Variants in SYNDIG1 observed in about 807,000 individuals in gnomAD.
SYNDIG1 encodes the protein synapse differentiation inducing 1.
SYNDIG1 carries 9 observed loss-of-function variants against 19.4 expected under a neutral mutation model. The ratio of observed to expected loss-of-function variants is 0.46; its 90% CI spans 0.28 to 0.81. The LOEUF (loss-of-function observed/expected upper bound fraction) is 0.81. Among genes scored for constraint, SYNDIG1 ranks in the 30% least tolerant of loss-of-function variants. The probability of loss-of-function intolerance (pLI) is 0.12; values close to 1 mark genes in which losing one functional copy is unlikely to be tolerated. For synonymous variants in SYNDIG1, 141 were observed against 145.9 expected, an observed-to-expected ratio of 0.97 and a Z score of 0.24; for missense variants, 311 against 343.3, an observed-to-expected ratio of 0.91 and a Z score of 0.74.
In SYNDIG1 at chr20:24,472,642, C is replaced by T. The variant is rs1242871380; in HGVS notation, c.-79+2889C>T. On this transcript the variant is annotated intron_variant, in intron 1 of 3. Coordinates refer to ENST00000376862, the MANE Select transcript of SYNDIG1 (RefSeq NM_024893.3). Reference sequence around the variant, plus strand: ...ATCCTCCAGGTCACACCTGCTCTGCCCTCTGAAAAGGCTCTGTGCTTGCTG... The same window carrying T: ...ATCCTCCAGGTCACACCTGCTCTGCTCTCTGAAAAGGCTCTGTGCTTGCTG... Among the ~76,000 whole-genome samples the T allele has an allele frequency of 2.6e-5, 4 of 152,128 alleles. No homozygotes were observed. The East Asian group carries it at 5.8e-4, about 22-fold the overall frequency.
chr20:24,588,809 C>T (rs1308677444), intron 3 of SYNDIG1, among the ~76,000 whole-genome samples: 1 of 152,172 alleles, frequency 6.6e-6, no homozygotes, highest in Non-Finnish European at 1.5e-5. Context: ...CATAGGAACT[C>T]CATGACATGG....
chr20:24,565,752 C>T (rs1418008755), intron 2 of SYNDIG1, among the ~76,000 whole-genome samples: 5 of 152,184 alleles, frequency 3.3e-5, no homozygotes, highest in Non-Finnish European at 7.3e-5. Flanking sequence ...CTCCCACCTT[C>T]TCCTTCCCCC....
chr20:24,556,545 T>G (rs1040266419), intron 2 of SYNDIG1, among the ~76,000 whole-genome samples: 2 of 152,214 alleles, frequency 1.3e-5, no homozygotes, highest in African/African-American at 4.8e-5. Context: ...TAAAGTATTT[T>G]ATTTCTCCTT....
chr20:24,493,795 G>A (rs1030620885), intron 1 of SYNDIG1, among the ~76,000 whole-genome samples: 9 of 152,202 alleles, frequency 5.9e-5, no homozygotes, highest in Admixed American at 1.3e-4. Context: ...TTGGGCAGCC[G>A]CAAGCTCAGA....
intron 1 of SYNDIG1, among the ~76,000 whole-genome samples, chr20:24,532,826 A>G (rs1210625554): frequency 1.3e-5 from 2 of 152,142 alleles, no homozygotes; most frequent in Admixed American, 1.3e-4. Flanking sequence ...CCTGGGCTCA[A>G]TCTCCACCTA....
At chr20:24,633,552 T>C (rs7262956) in intron 3 of SYNDIG1, among the ~76,000 whole-genome samples, 3,249 of 152,310 alleles carry the variant, frequency 0.021, 138 homozygotes, top group African/African-American at 0.073. Context: ...TTGATTCTAG[T>C]TGATCACCCT....
intron 1 of SYNDIG1, among the ~76,000 whole-genome samples, chr20:24,489,566 GAC>G (rs531339259): frequency 2.8e-4 from 42 of 152,084 alleles, no homozygotes; most frequent in African/African-American, 9.2e-4. Flanking sequence ...GACAGGCACA[GAC>G]ACAGGCACAC....
chr20:24,629,350 G>A (rs1030056527), intron 3 of SYNDIG1, among the ~76,000 whole-genome samples: 1 of 152,204 alleles, frequency 6.6e-6, no homozygotes, highest in African/African-American at 2.4e-5. Context: ...TTAGGATGGA[G>A]GAAAGTCCTA....
At chr20:24,582,061 C>A (rs1217719786) in intron 2 of SYNDIG1, among the ~76,000 whole-genome samples, 5 of 133,622 alleles carry the variant, frequency 3.7e-5, no homozygotes, top group Non-Finnish European at 8.1e-5. Flanking sequence ...TGGCCTCCCT[C>A]CTTCATGTCC....
intron 3 of SYNDIG1, among the ~76,000 whole-genome samples, chr20:24,640,656 A>T (rs2059367743): frequency 6.6e-6 from 1 of 152,136 alleles, no homozygotes; most frequent in Non-Finnish European, 1.5e-5. Flanking sequence ...ATTGACTGGA[A>T]GGAGGAGATT....
chr20:24,573,607 G>A (rs534079655), intron 2 of SYNDIG1, among the ~76,000 whole-genome samples: 33 of 152,360 alleles, frequency 2.2e-4, no homozygotes, highest in African/African-American at 5.8e-4. Context: ...CCTGAATCAC[G>A]TAGTGATCTT....
At chr20:24,587,476 G>A (rs572172649) in intron 3 of SYNDIG1, among the ~76,000 whole-genome samples, 2 of 152,314 alleles carry the variant, frequency 1.3e-5, no homozygotes, top group South Asian at 2.1e-4. Context: ...CGCCTCAGCC[G>A]GCTACCAGGC....
intron 1 of SYNDIG1, among the ~76,000 whole-genome samples, chr20:24,533,966 A>G (rs1025352891): frequency 5.3e-5 from 8 of 152,164 alleles, no homozygotes; most frequent in African/African-American, 1.9e-4. Context: ...CAGGCACGGC[A>G]CTGGCATCTG....
intron 3 of SYNDIG1, among the ~76,000 whole-genome samples, chr20:24,642,795 T>C (rs73347211): frequency 0.02 from 3,091 of 152,234 alleles, 132 homozygotes; most frequent in African/African-American, 0.071. Flanking sequence ...GAATCAGCTA[T>C]TTTCCTATGG....
chr20:24,610,931 G>C (rs1443464240), intron 3 of SYNDIG1, among the ~76,000 whole-genome samples: 3 of 152,174 alleles, frequency 2.0e-5, no homozygotes, highest in Non-Finnish European at 2.9e-5. Flanking sequence ...GCAATGACAG[G>C]AAATGAGTTG....
In SYNDIG1 at chr20:24,568,101, A is replaced by G. The variant is rs1406926127; in HGVS notation, c.481-16755A>G. Among the ~76,000 whole-genome samples, 4 of 152,238 alleles carry G rather than the reference A, an allele frequency of 2.6e-5. No homozygotes were observed. The East Asian group carries it at 7.7e-4, about 29-fold the overall frequency. On this transcript the variant is annotated intron_variant, in intron 2 of 3. Coordinates refer to ENST00000376862, the MANE Select transcript of SYNDIG1 (RefSeq NM_024893.3). ...GGTTGCAGTGAGTTGAGATCGCGCT[A>G]TTGCACTCCAGCCTGGGCGACAGAA...
At chr20:24,470,686 G>T (rs925186384) in intron 1 of SYNDIG1, among the ~76,000 whole-genome samples, 1 of 152,202 alleles carries the variant, frequency 6.6e-6, no homozygotes, top group African/African-American at 2.4e-5. Flanking sequence ...AGTGGCTCTG[G>T]CAGCCGAGCT....
intron 3 of SYNDIG1, among the ~76,000 whole-genome samples, chr20:24,609,818 G>A (rs1427924781): frequency 1.3e-5 from 2 of 152,008 alleles, no homozygotes. Context: ...CCTCCATCTG[G>A]ACAGTATCAC....
intron 2 of SYNDIG1, among the ~76,000 whole-genome samples, chr20:24,579,684 G>C (rs2146991109): frequency 6.6e-6 from 1 of 152,308 alleles, no homozygotes; most frequent in Non-Finnish European, 1.5e-5. Context: ...AGCGGACACA[G>C]CTCCACGTTG....
Sources: allele counts gnomAD v4.1 joint callset (sites outside exome capture counted in the v4.1 genomes callset), GRCh38; gene constraint gnomAD v4.1.1; transcripts MANE v1.5; gene names NCBI Gene and HGNC (gene_info 2026-07-23, HGNC 2026-07-21).